The following KANK1 variants were observed in gnomAD, a reference collection of about 807,000 sequenced individuals.
The protein encoded by KANK1 is KN motif and ankyrin repeat domain-containing protein 1.
A neutral mutation model predicts 106.2 loss-of-function variants in KANK1; 109 were observed. The ratio of observed to expected loss-of-function variants is 1.03; its 90% CI spans 0.88 to 1.20. The LOEUF is 1.20. Ranked by LOEUF, KANK1 falls within the 50% of genes most tolerant of loss-of-function variation. The pLI, the probability that KANK1 is intolerant of heterozygous loss-of-function variation, is 0.00. For synonymous variants in KANK1, 873 were observed against 652.2 expected (o/e 1.34, Z -5.16); for missense variants, 2,399 against 1,710.7 (o/e 1.40, Z -7.10).
intron 1 of KANK1, among the ~76,000 whole-genome samples, chr9:608,034 A>ATTGTTTT (rs550990252): frequency 8.7e-6 from 1 of 115,354 alleles, no homozygotes; most frequent in Non-Finnish European, 1.7e-5. Flanking sequence ...TATTATTATT[A>ATTGTTTT]TTTTTTTTTT....
At chr9:556,781 C>G (rs934370517) in intron 1 of KANK1, among the ~76,000 whole-genome samples, 1 of 152,108 alleles carries the variant, frequency 6.6e-6, no homozygotes, top group South Asian at 2.1e-4. Flanking sequence ...TGGGCCAGAC[C>G]TCCAATTTAA....
At chr9:693,777 T>G in intron 2 of KANK1, 1 of 985,360 alleles carries the variant, frequency 1.0e-6, no homozygotes, top group Non-Finnish European at 1.2e-6. Context: ...GTTATTTTGT[T>G]TCTGGGTGGG....
chr9:722,239 C>T (rs1011216721), intron 3 of KANK1, among the ~76,000 whole-genome samples: 3 of 152,132 alleles, frequency 2.0e-5, no homozygotes, highest in Non-Finnish European at 4.4e-5. Flanking sequence ...GAATTATGGA[C>T]GGGCCCTGAA....
At chr9:619,086 G>C (rs1056555521) in intron 1 of KANK1, among the ~76,000 whole-genome samples, 1 of 152,134 alleles carries the variant, frequency 6.6e-6, no homozygotes, top group Non-Finnish European at 1.5e-5. Flanking sequence ...CCATAACTAA[G>C]TACAAGCCTC....
intron 3 of KANK1, among the ~76,000 whole-genome samples, chr9:484,781 AGTGAGCACTG>A (rs1236960058): frequency 1.3e-5 from 2 of 152,204 alleles, no homozygotes; most frequent in African/African-American, 2.4e-5. Flanking sequence ...CAGTGGCCCC[AGTGAGCACTG>A]GGCAGCACCC....
At chr9:652,318 C>T (rs939357209) in intron 1 of KANK1, among the ~76,000 whole-genome samples, 4 of 151,886 alleles carry the variant, frequency 2.6e-5, no homozygotes, top group African/African-American at 9.7e-5. Context: ...GTCAGGAGTT[C>T]GAGACCAGCC....
chr9:711,041 T>G lies in KANK1; in HGVS notation c.275T>G (p.Leu92Arg). ...QQGIWTSTES[L>R]SSSNSDDNKQ... The stretch of plus-strand genomic sequence containing the variant: ...GGTATATGGACTTCCACTGAATCCC[T>G]CTCATCCTCCAACAGTGATGACAAC... The change falls in exon 3 of 12, where the codon CTC (leucine) becomes CGC (arginine). Residue 92 changes from leucine (L) to arginine (R), a missense_variant. Leu to Arg is a moderately radical substitution (Grantham distance 102, BLOSUM62 -2). Coordinates refer to ENST00000382297, the MANE Select transcript of KANK1 (RefSeq NM_015158.5). 1 of 1,614,162 alleles carries G rather than the reference T, an allele frequency of 6.2e-7. No individual in the cohort carries two copies. Among genetic ancestry groups the G allele is most frequent in the Non-Finnish European group, 8.5e-7 (1 of 1,180,030 alleles).
At chr9:502,053 T>C (rs2058563583), upstream of KANK1, among the ~76,000 whole-genome samples, 1 of 152,208 alleles carries the variant, frequency 6.6e-6, no homozygotes, top group Admixed American at 6.5e-5. Flanking sequence ...TACTACAGCA[T>C]GGATGAGCCT....
At chr9:646,309 C>T (rs1274217259) in intron 1 of KANK1, among the ~76,000 whole-genome samples, 16 of 150,104 alleles carry the variant, frequency 1.1e-4, no homozygotes, top group Admixed American at 1.1e-3. Context: ...CCAGTCTGGG[C>T]AACATAGCAA....
At chr9:608,415 T>TA (rs1829822855) in intron 1 of KANK1, among the ~76,000 whole-genome samples, 1 of 151,652 alleles carries the variant, frequency 6.6e-6, no homozygotes, top group African/African-American at 2.4e-5. Context: ...TTGTGTATTC[T>TA]CTTAAAGAGC....
At chr9:547,264 A>G (rs2060988711) in intron 1 of KANK1, 1 of 152,202 alleles carries the variant, frequency 6.6e-6, no homozygotes, top group Non-Finnish European at 1.5e-5. Flanking sequence ...CTTGGGTTCA[A>G]TTAACAAGAA....
chr9:497,255 AC>A (rs1265063280), intron 3 of KANK1, among the ~76,000 whole-genome samples: 4 of 152,200 alleles, frequency 2.6e-5, no homozygotes, highest in African/African-American at 9.7e-5. Flanking sequence ...GGGCAGTATG[AC>A]CATGGGCAAG....
intron 1 of KANK1, among the ~76,000 whole-genome samples, chr9:615,520 A>G (rs1182240521): frequency 6.6e-6 from 1 of 152,100 alleles, no homozygotes; most frequent in Non-Finnish European, 1.5e-5. Context: ...TCTTTTTCTT[A>G]TCAAATAGAC....
chr9:712,850 G>T lies in KANK1; in HGVS notation c.2084G>T (p.Cys695Phe). The T allele has an allele frequency of 1.2e-6, 2 of 1,613,772 alleles. No homozygotes were observed. The highest frequency in any genetic ancestry group is 2.2e-5 in the East Asian group (1 of 44,844). ...NTETATLIES[C>F]TNTCLSTLDK... Reference sequence around the variant, plus strand: ...GAGACGGCCACCCTCATAGAGTCCTGCACCAACACTTGTCTAAGCACTTTG... The same window carrying T: ...GAGACGGCCACCCTCATAGAGTCCTTCACCAACACTTGTCTAAGCACTTTG... Residue 695 changes from cysteine (C) to phenylalanine (F), a missense_variant, in exon 3 of 12, where the codon TGC (cysteine) becomes TTC (phenylalanine). Cys to Phe is a radical substitution (Grantham distance 205). Coordinates refer to ENST00000382297, the MANE Select transcript of KANK1 (RefSeq NM_015158.5).
Position 526,084 on chromosome 9 carries a change from GA to G in KANK1, c.-84+21332del, listed in dbSNP as rs1400620998. 1.5e-4 allele frequency among the ~76,000 whole-genome samples: 22 copies of G among 150,636 alleles called. No homozygotes were observed. The South Asian group carries it at 4.6e-3, about 31-fold the overall frequency. On this transcript the variant is annotated intron_variant, in intron 1 of 11. Coordinates refer to ENST00000382297, the MANE Select transcript of KANK1 (RefSeq NM_015158.5). ...TGAGGAGAATGGGGCCTTTCTTGGA[GA>G]ACACAAAAGTAGGAATTCTGATTTT...
At chr9:584,333 T>TC (rs1390797029) in intron 1 of KANK1, among the ~76,000 whole-genome samples, 1 of 152,236 alleles carries the variant, frequency 6.6e-6, no homozygotes, top group Non-Finnish European at 1.5e-5. Context: ...CATGCATACA[T>TC]ATAAAAGTGG....
chr9:666,180 C>CAA lies in KANK1; in HGVS notation c.-83-10700_-83-10699dup, dbSNP rs202042928. ...TGGGTGACAGAGCAAAACCCTGTCTCAAAAAAAAAAACAAAATATTCCTGG... is the reference window on the plus strand; with the variant it reads ...TGGGTGACAGAGCAAAACCCTGTCTCAAAAAAAAAAAAACAAAATATTCCTGG... On this transcript the variant is annotated intron_variant, in intron 1 of 11. Transcript: ENST00000382297. Among the ~76,000 whole-genome samples the CAA allele has an allele frequency of 4.1e-3, 557 of 136,696 alleles. 9 individuals are homozygous for CAA. The highest frequency in any genetic ancestry group is 0.015 in the African/African-American group (543 of 37,316). 89.7% of individuals were successfully genotyped at this position (136,696 alleles called of 152,430 possible).
At chr9:599,650 T>C (rs913480191) in intron 1 of KANK1, among the ~76,000 whole-genome samples, 3 of 151,916 alleles carry the variant, frequency 2.0e-5, no homozygotes, top group African/African-American at 7.3e-5. Flanking sequence ...GGTCCACTTA[T>C]ATGCAGGTCC....
chr9:491,508 C>G (rs1025546279), intron 3 of KANK1, among the ~76,000 whole-genome samples: 18 of 152,014 alleles, frequency 1.2e-4, no homozygotes, highest in African/African-American at 4.3e-4. Context: ...ACCTCGTGAT[C>G]CACCCTCCTC....
Sources: gnomAD v4.1 joint callset for allele counts (sites outside exome capture counted in the v4.1 genomes callset) on GRCh38, gnomAD v4.1.1 for gene constraint, MANE v1.5 for transcripts, NCBI Gene and HGNC (gene_info 2026-07-23, HGNC 2026-07-21) for gene names.